The following STK3 variants were observed in gnomAD, a reference collection of about 807,000 sequenced individuals.
STK3 encodes the protein serine/threonine kinase 3.
Under a neutral mutation model 58.0 loss-of-function variants are expected in STK3, and 41 were observed. That is an observed-to-expected ratio of 0.71 (90% confidence interval 0.55 to 0.92). STK3 has a LOEUF of 0.92. STK3 is among the 40% of genes least tolerant of loss of function. The probability of loss-of-function intolerance (pLI) is 0.00; values close to 1 mark genes in which losing one functional copy is unlikely to be tolerated. For missense variants in STK3, 479 were observed against 602.7 expected, an observed-to-expected ratio of 0.79 and a Z score of 2.15; for synonymous variants, 170 against 191.0, an observed-to-expected ratio of 0.89 and a Z score of 0.91.
chr8:98,875,647 A>G (rs1283388717), intron 3 of STK3: 2 of 152,216 alleles, frequency 1.3e-5, no homozygotes, highest in Non-Finnish European at 2.9e-5. Flanking sequence ...TCTTTGTTGG[A>G]AGAGACATGG....
At chr8:98,582,993 T>C (rs1211294956) in intron 7 of STK3, among the ~76,000 whole-genome samples, 1 of 152,156 alleles carries the variant, frequency 6.6e-6, no homozygotes, top group Non-Finnish European at 1.5e-5. Flanking sequence ...TTATATTATG[T>C]TCTTTATCAA....
Position 98,552,937 on chromosome 8 carries a change from T to A in STK3, c.949-4776A>T, listed in dbSNP as rs1200673863. 2.6e-5 allele frequency among the ~76,000 whole-genome samples: 4 copies of A among 152,132 alleles called. No homozygotes were observed. In the East Asian group the frequency reaches 7.7e-4, roughly 29 times the overall value. ...ATAAGATAGTTTAATTCCATTTCAGTTTTTAGGGAGTTTGAGATCTAAGGG... is the reference window on the plus strand; with the variant it reads ...ATAAGATAGTTTAATTCCATTTCAGATTTTAGGGAGTTTGAGATCTAAGGG... On this transcript the variant is annotated intron_variant, in intron 8 of 10. Coordinates refer to ENST00000419617, the MANE Select transcript of STK3 (RefSeq NM_006281.4).
intron 1 of STK3, among the ~76,000 whole-genome samples, chr8:98,448,504 C>T (rs891026676): frequency 2.0e-5 from 3 of 152,114 alleles, no homozygotes; most frequent in Admixed American, 6.6e-5. Flanking sequence ...CTGAAAAATG[C>T]GCAGGTGCAG....
intron 3 of STK3, among the ~76,000 whole-genome samples, chr8:98,841,534 A>G (rs1835982139): frequency 1.3e-5 from 2 of 151,938 alleles, no homozygotes; most frequent in African/African-American, 4.8e-5. Flanking sequence ...AAAAGAAAAA[A>G]AAAGTACAGG....
chr8:98,859,499 C>T (rs1196784061), intron 3 of STK3, among the ~76,000 whole-genome samples: 1 of 152,070 alleles, frequency 6.6e-6, no homozygotes, highest in African/African-American at 2.4e-5. Flanking sequence ...GGAATCTAGG[C>T]GTCACTGAGG....
At chr8:98,745,007 T>C (rs1363235476) in intron 4 of STK3, among the ~76,000 whole-genome samples, 2 of 151,304 alleles carry the variant, frequency 1.3e-5, no homozygotes, top group Non-Finnish European at 2.9e-5. Flanking sequence ...AAGATAAGAG[T>C]GACACCATTT....
intron 8 of STK3, 68 bp from the exon 9 acceptor site, chr8:98,548,229 G>A (rs1257934658): frequency 4.1e-6 from 5 of 1,222,864 alleles, no homozygotes; most frequent in Non-Finnish European, 4.3e-6. Context: ...TTCTTAACAA[G>A]AGAATGAATA....
chr8:98,634,029 A>C (rs1819447821), intron 6 of STK3, among the ~76,000 whole-genome samples: 1 of 152,186 alleles, frequency 6.6e-6, no homozygotes, highest in Non-Finnish European at 1.5e-5. Context: ...AAAAATCTGG[A>C]AGGAAAAATA....
intron 9 of STK3, among the ~76,000 whole-genome samples, chr8:98,538,634 T>C (rs1269373809): frequency 2.0e-5 from 3 of 152,196 alleles, no homozygotes; most frequent in Admixed American, 2.0e-4. Context: ...GTAATGAATA[T>C]TGTAATGGTC....
At chr8:98,789,984 C>T (rs552141561) in intron 1 of STK3, among the ~76,000 whole-genome samples, 2 of 146,686 alleles carry the variant, frequency 1.4e-5, no homozygotes, top group African/African-American at 2.5e-5. Context: ...GGCGAAATCG[C>T]GCCATTGCAC....
chr8:98,659,788 T>C (rs907591397), intron 6 of STK3, among the ~76,000 whole-genome samples: 5 of 152,002 alleles, frequency 3.3e-5, no homozygotes, highest in Non-Finnish European at 5.9e-5. Flanking sequence ...ATACATAAGT[T>C]AGCAATATAG....
intron 6 of STK3, among the ~76,000 whole-genome samples, chr8:98,609,147 C>T (rs1816987081): frequency 2.0e-5 from 3 of 152,050 alleles, no homozygotes; most frequent in African/African-American, 7.2e-5. Context: ...TAAATTCACA[C>T]CCTGACAAAG....
At chr8:98,837,494 G>GATCT (rs1220901829) in intron 3 of STK3, among the ~76,000 whole-genome samples, 1 of 152,030 alleles carries the variant, frequency 6.6e-6, no homozygotes, top group African/African-American at 2.4e-5. Flanking sequence ...ACAAGCTGAA[G>GATCT]ATCTCTCAAA....
chr8:98,420,462 T>A (rs1818158598), intron 3 of STK3, among the ~76,000 whole-genome samples: 1 of 152,208 alleles, frequency 6.6e-6, no homozygotes, highest in Admixed American at 6.5e-5. Flanking sequence ...ATCATAGGTA[T>A]GTGTGTATAG....
chr8:98,407,630 T>C (rs1381166453), intron 3 of STK3, among the ~76,000 whole-genome samples: 2 of 152,022 alleles, frequency 1.3e-5, no homozygotes, highest in African/African-American at 2.4e-5. Context: ...CAGTAGCTGA[T>C]GGGGAAGAGC....
rs747793295 is a variant in STK3 at position 98,919,531 on chromosome 8, G to A, written c.-79+22847C>T. ...GTACAAGAAGGAATCAGGGGAGGGG[G>A]AAATTCTATGTTGTGATAGGGAGTA... On this transcript the variant is annotated intron_variant, in intron 1 of 1. Transcript: ENST00000519420. Among the ~76,000 whole-genome samples the A allele has an allele frequency of 1.7e-3, 263 of 152,130 alleles. 2 individuals carry two copies. The highest frequency in any genetic ancestry group is 3.2e-3 in the Non-Finnish European group (221 of 68,016).
intron 10 of STK3, among the ~76,000 whole-genome samples, chr8:98,505,955 C>G (rs981112930): frequency 1.3e-5 from 2 of 152,242 alleles, no homozygotes; most frequent in African/African-American, 4.8e-5. Flanking sequence ...ACGTTTAAGT[C>G]TGCAGAAGTT....
At chr8:98,531,599 C>A (rs1215474327) in intron 9 of STK3, among the ~76,000 whole-genome samples, 1 of 152,156 alleles carries the variant, frequency 6.6e-6, no homozygotes, top group South Asian at 2.1e-4. Flanking sequence ...GTCACCACCA[C>A]CAGCCTGTCC....
At chr8:98,475,818 A>T (rs1314494632) in intron 10 of STK3, among the ~76,000 whole-genome samples, 1 of 152,218 alleles carries the variant, frequency 6.6e-6, no homozygotes, top group African/African-American at 2.4e-5. Context: ...GCCAGACGCG[A>T]AACAAATTAT....
Sources: allele counts gnomAD v4.1 joint callset (sites outside exome capture counted in the v4.1 genomes callset), GRCh38; gene constraint gnomAD v4.1.1; transcripts MANE v1.5; gene names NCBI Gene and HGNC (gene_info 2026-07-23, HGNC 2026-07-21).